The following PRKCB variants were observed in gnomAD, a reference collection of about 807,000 sequenced individuals.
PRKCB encodes the protein protein kinase C beta, also known as protein kinase C beta type.
Under a neutral mutation model 81.5 loss-of-function variants are expected in PRKCB, and 13 were observed. The observed-to-expected ratio is 0.16, with a 90% CI of 0.10 to 0.25. The LOEUF is 0.25. Ranked by LOEUF, PRKCB falls within the 10% of genes least tolerant of loss-of-function variation. The pLI is 1.00. For missense variants in PRKCB, 509 were observed against 875.7 expected, an observed-to-expected ratio of 0.58 and a Z score of 5.29; for synonymous variants, 335 against 321.4, an observed-to-expected ratio of 1.04 and a Z score of -0.45.
intron 10 of PRKCB, among the ~76,000 whole-genome samples, chr16:24,156,993 G>T (rs1300473518): frequency 3.3e-5 from 5 of 150,448 alleles, no homozygotes; most frequent in Non-Finnish European, 7.4e-5. Context: ...ATGAATCATG[G>T]GTGACTAATG....
intron 6 of PRKCB, 71 bp downstream of exon 6, chr16:24,093,018 T>C: frequency 6.7e-7 from 1 of 1,484,710 alleles, no homozygotes; most frequent in Non-Finnish European, 9.1e-7. Context: ...ATCAGGGAGT[T>C]CCTCCTCCCT....
intron 16 of PRKCB, among the ~76,000 whole-genome samples, chr16:24,198,962 A>G (rs1967917783): frequency 6.6e-6 from 1 of 152,118 alleles, no homozygotes; most frequent in Non-Finnish European, 1.5e-5. Flanking sequence ...GTCAGGCCTC[A>G]CTAACTCCAA....
At chr16:24,127,127 T>C (rs1001750427) in intron 9 of PRKCB, among the ~76,000 whole-genome samples, 1 of 151,736 alleles carries the variant, frequency 6.6e-6, no homozygotes, top group African/African-American at 2.4e-5. Context: ...TGCCTCAGCC[T>C]TTTCGAGTGG....
intron 8 of PRKCB, among the ~76,000 whole-genome samples, chr16:24,113,792 C>A (rs772134222): frequency 1.3e-5 from 2 of 152,066 alleles, no homozygotes. Context: ...CAATTAAATG[C>A]CCTTGCCTTA....
At chr16:23,904,363 G>T (rs1963525809) in intron 2 of PRKCB, among the ~76,000 whole-genome samples, 1 of 152,148 alleles carries the variant, frequency 6.6e-6, no homozygotes, top group African/African-American at 2.4e-5. Context: ...GTCAGTATTG[G>T]CTAAAACACT....
intron 16 of PRKCB, among the ~76,000 whole-genome samples, chr16:24,195,196 G>T (rs940881847): frequency 4.6e-4 from 53 of 115,296 alleles, no homozygotes; most frequent in Non-Finnish European, 7.2e-4. Flanking sequence ...GCAAGACCCT[G>T]TCTCAGAAAA....
chr16:24,129,260 A>G (rs934516049), intron 9 of PRKCB, among the ~76,000 whole-genome samples: 1 of 152,136 alleles, frequency 6.6e-6, no homozygotes, highest in East Asian at 1.9e-4. Flanking sequence ...ACTCTTGCCT[A>G]TGGATGGAAC....
chr16:23,936,579 A>ATTTTTTTT (rs57643578), intron 2 of PRKCB, among the ~76,000 whole-genome samples: 58 of 96,018 alleles, frequency 6.0e-4, no homozygotes, highest in African/African-American at 7.6e-4. Context: ...CACCCAACTA[A>ATTTTTTTT]TTTTTTTTTT....
intron 3 of PRKCB, among the ~76,000 whole-genome samples, chr16:23,995,548 G>A (rs916422422): frequency 6.6e-6 from 1 of 152,108 alleles, no homozygotes; most frequent in African/African-American, 2.4e-5. Flanking sequence ...GGAAACTGAC[G>A]ATTTGACCAT....
At chr16:24,212,461 C>CTTTTTTTTTGT (rs1968155889) in intron 16 of PRKCB, among the ~76,000 whole-genome samples, 1 of 78,064 alleles carries the variant, frequency 1.3e-5, no homozygotes, top group East Asian at 4.5e-4. Context: ...CTTTTTTTTC[C>CTTTTTTTTTGT]TTTTTTTTTT....
At chr16:23,916,504 C>T (rs910346656) in intron 2 of PRKCB, among the ~76,000 whole-genome samples, 13 of 152,112 alleles carry the variant, frequency 8.5e-5, no homozygotes, top group Non-Finnish European at 1.5e-4. Flanking sequence ...AGCTTTAATA[C>T]TTTTATTGAA....
intron 2 of PRKCB, among the ~76,000 whole-genome samples, chr16:23,961,700 AT>A (rs199966359): frequency 4.6e-4 from 69 of 150,496 alleles, no homozygotes; most frequent in South Asian, 3.8e-3. Flanking sequence ...CTGAGTGTGG[AT>A]TTTTTTTTTC....
intron 2 of PRKCB, among the ~76,000 whole-genome samples, chr16:23,889,125 T>TCCAC (rs1308321563): frequency 3.9e-5 from 1 of 25,858 alleles, no homozygotes; most frequent in Non-Finnish European, 8.5e-5. Flanking sequence ...CGTCCATCCA[T>TCCAC]CCATCCATCC....
At chr16:23,915,731 T>C (rs1963728144) in intron 2 of PRKCB, among the ~76,000 whole-genome samples, 1 of 148,190 alleles carries the variant, frequency 6.7e-6, no homozygotes, top group Non-Finnish European at 1.5e-5. Context: ...ATGGATTCTT[T>C]ATTTTTTTAA....
At chr16:23,999,012 A>G (rs933737406) in intron 3 of PRKCB, among the ~76,000 whole-genome samples, 1 of 152,256 alleles carries the variant, frequency 6.6e-6, no homozygotes, top group African/African-American at 2.4e-5. Flanking sequence ...CTCTGGATAC[A>G]GTTCCAAAAA....
At chr16:24,156,636 T>G (rs1294627288) in intron 10 of PRKCB, among the ~76,000 whole-genome samples, 1 of 152,150 alleles carries the variant, frequency 6.6e-6, no homozygotes, top group Non-Finnish European at 1.5e-5. Flanking sequence ...AGAAAAATAT[T>G]AAGTGAATGA....
chr16:23,890,756 C>T (rs929844252), intron 2 of PRKCB, among the ~76,000 whole-genome samples: 1 of 152,206 alleles, frequency 6.6e-6, no homozygotes, highest in Non-Finnish European at 1.5e-5. Flanking sequence ...GCCTGCCTTT[C>T]TTCTGGGAAC....
At chr16:23,881,650 A>G (rs1247689826) in intron 2 of PRKCB, among the ~76,000 whole-genome samples, 2 of 152,232 alleles carry the variant, frequency 1.3e-5, no homozygotes, top group African/African-American at 4.8e-5. Flanking sequence ...TGATTTTTAA[A>G]AAATAATTAC....
At chr16:23,973,477 C>T (rs1567330832) in intron 2 of PRKCB, among the ~76,000 whole-genome samples, 1 of 151,682 alleles carries the variant, frequency 6.6e-6, no homozygotes, top group Non-Finnish European at 1.5e-5. Flanking sequence ...GCCACCGGGC[C>T]CGGCCTCTTT....
Sources: gnomAD v4.1 joint callset for allele counts (sites outside exome capture counted in the v4.1 genomes callset) on GRCh38, gnomAD v4.1.1 for gene constraint, MANE v1.5 for transcripts, NCBI Gene and HGNC (gene_info 2026-07-23, HGNC 2026-07-21) for gene names.